The following COL9A2 variants were observed in gnomAD, a reference collection of about 807,000 sequenced individuals.
COL9A2 encodes collagen alpha-2(IX) chain.
Under a neutral mutation model 111.6 loss-of-function variants are expected in COL9A2, and 66 were observed. The observed-to-expected ratio is 0.59, with a 90% CI of 0.48 to 0.73. COL9A2 has a LOEUF of 0.73. COL9A2 is among the 30% of genes least tolerant of loss of function. The probability of loss-of-function intolerance (pLI) is 0.00; values close to 1 mark genes in which losing one functional copy is unlikely to be tolerated. For missense variants in COL9A2, 881 were observed against 954.1 expected, an observed-to-expected ratio of 0.92 and a Z score of 1.01; for synonymous variants, 353 against 364.1, an observed-to-expected ratio of 0.97 and a Z score of 0.35.
chr1:40,313,282 C>A (rs569615035), intron 4 of COL9A2, among the ~76,000 whole-genome samples: 5 of 152,190 alleles, frequency 3.3e-5, no homozygotes, highest in African/African-American at 1.2e-4. Context: ...GATTCTTGTG[C>A]CCCAGCCTCC....
At chr1:40,306,226 GA>G (rs776410363) in intron 19 of COL9A2, 39 bp from the exon 20 acceptor site, 1 of 1,613,024 alleles carries the variant, frequency 6.2e-7, no homozygotes. Flanking sequence ...GCCCTGGCAT[GA>G]GGGAGCCCCA....
chr1:40,312,685 C>G lies in COL9A2; in HGVS notation c.303+46G>C, dbSNP rs371769785. The G allele has an allele frequency of 1.1e-4, 180 of 1,585,290 alleles. No individual in the cohort carries two copies. The African/African-American group carries it at 2.2e-3, about 20-fold the overall frequency. ...CTTCCTCTCTACAGCCACTCCCAAA[C>G]GCTGGCCCTAGATTGCCCACGCTGA... On this transcript the variant is annotated intron_variant, in intron 5 of 31. Transcript: ENST00000372748. The surrounding 1 kb of genome is among the most constrained non-coding windows in gnomAD (Gnocchi z 6.0).
chr1:40,304,080 C>T lies in COL9A2; in HGVS notation c.1307G>A (p.Gly436Glu), dbSNP rs1285637497. Reference protein sequence around the residue: ...KGDKGSPGKTGPRGKVGDPGV... With the variant: ...KGDKGSPGKTEPRGKVGDPGV... ...GGAACTCACCACTTTGCCGCGGGGCCCGGTCTTCCCTGGGGAGCCCTGGAG... is the reference window on the plus strand; with the variant it reads ...GGAACTCACCACTTTGCCGCGGGGCTCGGTCTTCCCTGGGGAGCCCTGGAG... Residue 436 changes from glycine (G) to glutamate (E), a missense_variant, in exon 25 of 32, where the codon GGG becomes GAG. Coordinates refer to ENST00000372748, the MANE Select transcript of COL9A2 (RefSeq NM_001852.4). The T allele has an allele frequency of 6.4e-7, 1 of 1,572,924 alleles. No homozygotes were observed. The highest frequency in any genetic ancestry group is 2.3e-5 in the East Asian group (1 of 43,252).
In COL9A2 at chr1:40,315,858, C is replaced by T. The variant is rs532451741; in HGVS notation, c.76-194G>A. 1.0e-4 allele frequency: 48 copies of T among 476,036 alleles called. No homozygotes were observed. In the South Asian group the frequency reaches 1.4e-3, roughly 13 times the overall value. The allele number at this position is 476,036 out of a possible 1,614,324, so 29.5% of individuals were successfully genotyped here. A position where few individuals can be genotyped will look rare whatever the true frequency, so the allele number is the denominator to read the frequency against. ...TCATTATCTTACAGAATACTCAGAA[C>T]CGGGAGGCGGGCGCTATTACGGGCC... On this transcript the variant is annotated intron_variant, in intron 1 of 31. Transcript: ENST00000372748.
chr1:40,307,390 T>A lies in COL9A2; in HGVS notation c.1008+56A>T. The A allele has an allele frequency of 6.5e-7, 1 of 1,547,104 alleles. No homozygotes were observed. The highest frequency in any genetic ancestry group is 8.9e-7 in the Non-Finnish European group (1 of 1,125,570). ...AAGAGCCCCGGGTGTGTGTGGATTC[T>A]AACCTCATCAGCCACTAGCCCCTGG... On this transcript the variant is annotated intron_variant, in intron 19 of 31. Coordinates refer to ENST00000372748, the MANE Select transcript of COL9A2 (RefSeq NM_001852.4). The surrounding 1 kb of genome is among the most constrained non-coding windows in gnomAD (Gnocchi z 4.8).
chr1:40,312,857 A>C lies in COL9A2; in HGVS notation c.250-73T>G. 1 of 1,413,940 alleles carries C rather than the reference A, an allele frequency of 7.1e-7. No homozygotes were observed. The highest frequency in any genetic ancestry group is 1.2e-5 in the South Asian group (1 of 80,770). The allele number at this position is 1,413,940 out of a possible 1,614,324, so 87.6% of individuals were successfully genotyped here. On this transcript the variant is annotated intron_variant, in intron 4 of 31. Coordinates refer to ENST00000372748, the MANE Select transcript of COL9A2 (RefSeq NM_001852.4). This position sits in a 1 kb window ranked among gnomAD's most constrained non-coding sequence, Gnocchi z 6.0. Reference sequence around the variant, plus strand: ...TGACCCACAGAGCAGGGCAGGTTCAAGGGTCCCTCCTGGGTGGGCCGAGGC... The same window carrying C: ...TGACCCACAGAGCAGGGCAGGTTCACGGGTCCCTCCTGGGTGGGCCGAGGC...
intron 17 of COL9A2, 138 bp downstream of exon 17, chr1:40,308,054 A>G: frequency 1.2e-6 from 1 of 833,914 alleles, no homozygotes. Flanking sequence ...ACAGAAAGGG[A>G]GGCATTTCCT....
rs1390859645 is a variant in COL9A2 at position 40,310,264 on chromosome 1, C to A, written c.738G>T (p.Thr246=). ...GTAGAACACCCCAAGATTCACTTACCGTCTCTCCCTTGGGCCCTGCCATGC... is the reference window on the plus strand; with the variant it reads ...GTAGAACACCCCAAGATTCACTTACAGTCTCTCCCTTGGGCCCTGCCATGC... ...YPGMAGPKGE[T]GPHGYKGMVG... Residue 246 remains threonine, a splice_region_variant and synonymous_variant, in exon 14 of 32, where the codon ACG becomes ACT. Coordinates refer to ENST00000372748, the MANE Select transcript of COL9A2 (RefSeq NM_001852.4). The surrounding 1 kb of genome is among the most constrained non-coding windows in gnomAD (Gnocchi z 4.9). The A allele has an allele frequency of 6.2e-7, 1 of 1,614,120 alleles. No homozygotes were observed. The highest frequency in any genetic ancestry group is 8.5e-7 in the Non-Finnish European group (1 of 1,179,994).
chr1:40,317,084 C>T lies in COL9A2; in HGVS notation c.75+39G>A, dbSNP rs1356383521. The T allele has an allele frequency of 6.5e-7, 1 of 1,544,248 alleles. No individual in the cohort carries two copies. The highest frequency in any genetic ancestry group is 8.8e-7 in the Non-Finnish European group (1 of 1,140,066). On this transcript the variant is annotated intron_variant, in intron 1 of 31. Transcript: ENST00000372748. This position sits in a 1 kb window ranked among gnomAD's most constrained non-coding sequence, Gnocchi z 4.3. ...CCTCCATCCCGGACTCCAGACCCCG[C>T]ACCCTGGACCCTGGCAGCGGAGGGG...
intron 31 of COL9A2, 108 bp from the exon 32 acceptor site, chr1:40,301,489 AG>A: frequency 1.1e-6 from 1 of 915,762 alleles, no homozygotes; most frequent in Non-Finnish European, 1.7e-6. Context: ...AAAACACCAT[AG>A]GAGAAAGGAC....
intron 24 of COL9A2, 43 bp downstream of exon 24, chr1:40,304,277 T>C (rs1197483274): frequency 1.9e-6 from 3 of 1,549,284 alleles, no homozygotes; most frequent in Middle Eastern, 1.7e-4. Context: ...CTCCCCCTGT[T>C]ATAGGGCCCC....
Position 40,306,123 on chromosome 1 carries a change from C to G in COL9A2, c.1053+20G>C. ...CAGACTTCCTTGCTCAATTCTGTCC[C>G]CAGCTTGGGATCGCCTCACCTGGTC... On this transcript the variant is annotated intron_variant, in intron 20 of 31. Coordinates refer to ENST00000372748, the MANE Select transcript of COL9A2 (RefSeq NM_001852.4). 1 of 1,614,082 alleles carries G rather than the reference C, an allele frequency of 6.2e-7. No individual in the cohort carries two copies. Among genetic ancestry groups the G allele is most frequent in the Non-Finnish European group, 8.5e-7 (1 of 1,179,954 alleles).
intron 17 of COL9A2, 43 bp downstream of exon 17, chr1:40,308,149 G>C (rs762303605): frequency 6.3e-7 from 1 of 1,589,824 alleles, no homozygotes; most frequent in Non-Finnish European, 8.6e-7. Context: ...AAGCAGCTGG[G>C]CCCTGGCCTC....
chr1:40,304,698 G>A, intron 22 of COL9A2, 96 bp downstream of exon 22: 2 of 1,404,306 alleles, frequency 1.4e-6, no homozygotes, highest in South Asian at 1.2e-5. Flanking sequence ...CCTGCCTGGG[G>A]AGGCATCTCA....
At position 40,309,938 on chromosome 1, in the gene COL9A2, C is replaced by T. The variant is rs746692571; in HGVS notation, c.846G>A (p.Glu282=). The T allele has an allele frequency of 5.6e-6, 9 of 1,613,618 alleles. No individual in the cohort carries two copies. Among genetic ancestry groups the T allele is most frequent in the Non-Finnish European group, 7.6e-6 (9 of 1,179,996 alleles). ...PPGRAGEKGD[E]GSPGIRGPQG... is the part of the protein sequence containing the mutation. ...GAACAATGGGTGCCTGAGGACTCAC[C>T]TCGTCACCCTTCTCCCCAGCTCGGC... The change falls in exon 16 of 32, where the codon GAG becomes GAA. Residue 282 remains glutamate (E), a splice_region_variant and synonymous_variant. Transcript: ENST00000372748.
chr1:40,302,593 C>T lies in COL9A2; in HGVS notation c.1792+28G>A. On this transcript the variant is annotated intron_variant, in intron 30 of 31. Transcript: ENST00000372748. This position sits in a 1 kb window ranked among gnomAD's most constrained non-coding sequence, Gnocchi z 4.5. Reference sequence around the variant, plus strand: ...CTGGACAAATCCTCACTGCCTGGCCCCCATGCCCACCGCAGAGGAGCACTC... The same window carrying T: ...CTGGACAAATCCTCACTGCCTGGCCTCCATGCCCACCGCAGAGGAGCACTC... 1 of 1,579,254 alleles carries T rather than the reference C, an allele frequency of 6.3e-7. No homozygotes were observed. The highest frequency in any genetic ancestry group is 8.6e-7 in the Non-Finnish European group (1 of 1,166,136).
chr1:40,313,843 A>C (rs1644172012), intron 4 of COL9A2, among the ~76,000 whole-genome samples: 1 of 152,156 alleles, frequency 6.6e-6, no homozygotes, highest in Non-Finnish European at 1.5e-5. Flanking sequence ...GGTAGGGGTC[A>C]GGGGAAGAGC....
Position 40,307,086 on chromosome 1 carries a change from C to CCACTCA in COL9A2, c.1008+354_1008+359dup, listed in dbSNP as rs1297569708. Among the ~76,000 whole-genome samples, 1 of 152,126 alleles carries CCACTCA rather than the reference C, an allele frequency of 6.6e-6. No individual in the cohort carries two copies. Among genetic ancestry groups the CCACTCA allele is most frequent in the Non-Finnish European group, 1.5e-5 (1 of 68,030 alleles). ...TTTTGAACTCCTGACCTCAAGTGAT[C>CCACTCA]CACTCAGCTGAGCCTCCTGAAGTGC... is the stretch of plus-strand genomic sequence containing the variant. On this transcript the variant is annotated intron_variant, in intron 19 of 31. Transcript: ENST00000372748. This position sits in a 1 kb window ranked among gnomAD's most constrained non-coding sequence, Gnocchi z 4.8.
At position 40,316,832 on chromosome 1, in the gene COL9A2, C is replaced by T; in HGVS notation, c.75+291G>A. 1.9e-6 allele frequency: 1 copy of T among 535,936 alleles called. No individual in the cohort carries two copies. 33.2% of individuals were successfully genotyped at this position (535,936 alleles called of 1,614,324 possible). On this transcript the variant is annotated intron_variant, in intron 1 of 31. Transcript: ENST00000372748. This position sits in a 1 kb window ranked among gnomAD's most constrained non-coding sequence, Gnocchi z 5.5. ...ATTGTATGCCCCGCCACCTGGGCTC[C>T]CCGGGCTGCCAGGACCGGGCGCCAG...
Sources: gnomAD v4.1 joint callset for allele counts (sites outside exome capture counted in the v4.1 genomes callset) on GRCh38, gnomAD v4.1.1 for gene constraint, Gnocchi (gnomAD v3.1) non-coding constraint, MANE v1.5 for transcripts, NCBI Gene and HGNC (gene_info 2026-07-23, HGNC 2026-07-21) for gene names.